Variants in NEB observed in about 807,000 individuals in gnomAD.
NEB encodes nemaline myopathy type 2.
A neutral mutation model predicts 952.2 loss-of-function variants in NEB; 512 were observed. The observed-to-expected ratio is 0.54, with a 90% CI of 0.50 to 0.58. The LOEUF is 0.58. NEB is among the 20% of genes least tolerant of loss of function. NEB has a pLI of 0.00. For missense variants in NEB, 8,428 were observed against 9,231.1 expected, an observed-to-expected ratio of 0.91 and a Z score of 3.56; for synonymous variants, 2,900 against 3,149.8, an observed-to-expected ratio of 0.92 and a Z score of 2.66.
Position 151,525,265 on chromosome 2 carries a change from G to A in NEB, c.22170C>T (p.Tyr7390=). ...EVTKHVSDTN[Y]KKKFVKEKGK... ...CTTTCTCCTTGACAAACTTCTTTTT[G>A]TAATTTGTCTAAATAGAGCCAGAAT... The change falls in exon 151 of 182, where the codon TAC becomes TAT. Residue 7390 remains tyrosine, a synonymous_variant. Transcript: ENST00000397345. The A allele has an allele frequency of 6.2e-7, 1 of 1,610,506 alleles. No individual in the cohort carries two copies. Among genetic ancestry groups the A allele is most frequent in the South Asian group, 1.1e-5 (1 of 91,010 alleles).
Position 151,502,814 on chromosome 2 carries a change from G to T in NEB, c.23907C>A (p.Arg7969=). The change falls in exon 167 of 182, where the codon CGC becomes CGA. Residue 7969 remains arginine, a synonymous_variant. Coordinates refer to ENST00000397345, the MANE Select transcript of NEB (RefSeq NM_001164508.2). ...ATACCGAGCTAAAGTTCTCTTGATT[G>T]CGTTTGACTCTCTCCATCTCTGGAG... The part of the protein sequence containing the change: ...PITPEMERVK[R]NQENFSSILY... 1 of 1,601,648 alleles carries T rather than the reference G, an allele frequency of 6.2e-7. No homozygotes were observed.
In NEB at chr2:151,669,107, T is replaced by C; in HGVS notation, c.4531A>G (p.Lys1511Glu). ...TCAATAGTATACTTGTGCTTCAGTT[T>C]CTCTCCCTCTACCTTGTAGTTCAAC... ...SDLNYKVEGE[K>E]LKHKYTIDPE... Residue 1511 changes from lysine to glutamate, a missense_variant, in exon 39 of 182, where the codon AAA becomes GAA. By Grantham distance (56) the Lys-to-Glu change is moderately conservative (BLOSUM62 1). This residue lies in a region of NEB where 2,851 missense variants were observed against 2,791.5 expected (regional missense o/e 1.02). Transcript: ENST00000397345. 1 of 1,585,566 alleles carries C rather than the reference T, an allele frequency of 6.3e-7. No individual in the cohort carries two copies. Among genetic ancestry groups the C allele is most frequent in the Non-Finnish European group, 8.6e-7 (1 of 1,164,060 alleles).
Position 151,525,994 on chromosome 2 carries a change from A to G in NEB, c.22125T>C (p.Thr7375=). The change falls in exon 150 of 182, where the codon ACT becomes ACC. Residue 7375 remains threonine (T), a synonymous_variant. Coordinates refer to ENST00000397345, the MANE Select transcript of NEB (RefSeq NM_001164508.2). ...GCTTGGTCACTTCCTTGACGTGAAC[A>G]GTGTCCCGGGTCTCTGGTAGTGTTG... ...SYTTLPETRD[T]VHVKEVTKHV... is the part of the protein sequence containing the mutation. 1 of 1,614,026 alleles carries G rather than the reference A, an allele frequency of 6.2e-7. No homozygotes were observed. The highest frequency in any genetic ancestry group is 8.5e-7 in the Non-Finnish European group (1 of 1,179,866).
chr2:151,719,486 G>T (rs1011273054), intron 9 of NEB, among the ~76,000 whole-genome samples: 15 of 152,114 alleles, frequency 9.9e-5, no homozygotes, highest in Non-Finnish European at 2.1e-4. Flanking sequence ...TCTACCTAGT[G>T]CCTATAACAA....
chr2:151,541,762 G>T (rs2094105206), intron 135 of NEB, among the ~76,000 whole-genome samples: 1 of 152,058 alleles, frequency 6.6e-6, no homozygotes, highest in South Asian at 2.1e-4. Flanking sequence ...TCTCTAGCCT[G>T]TCCAAAATTC....
At chr2:151,628,085 CA>C (rs1187626467) in intron 68 of NEB, among the ~76,000 whole-genome samples, 2 of 152,108 alleles carry the variant, frequency 1.3e-5, no homozygotes, top group Admixed American at 1.3e-4. Context: ...AGTGGGAAGA[CA>C]GGCCAAACTA....
intron 181 of NEB, among the ~76,000 whole-genome samples, chr2:151,488,047 T>C (rs1250511722): frequency 1.3e-5 from 2 of 152,188 alleles, no homozygotes; most frequent in Admixed American, 6.5e-5. Flanking sequence ...ATATTCCTGG[T>C]TACTAGTCAT....
chr2:151,647,269 C>T (rs982738171), intron 54 of NEB, among the ~76,000 whole-genome samples: 16 of 152,162 alleles, frequency 1.1e-4, no homozygotes, highest in Admixed American at 2.6e-4. Context: ...CACCACATGC[C>T]CAGCTAATTT....
At chr2:151,659,023 T>A (rs376218705) in intron 47 of NEB, 42 bp downstream of exon 47, 37 of 1,342,386 alleles carry the variant, frequency 2.8e-5, no homozygotes, top group Admixed American at 1.7e-4. Flanking sequence ...CTGGTTCAAA[T>A]CTGCTGGAGA....
At chr2:151,701,639 T>C (rs1456291253) in intron 13 of NEB, among the ~76,000 whole-genome samples, 1 of 151,760 alleles carries the variant, frequency 6.6e-6, no homozygotes, top group Non-Finnish European at 1.5e-5. Flanking sequence ...CTAGATTTTC[T>C]AGTTTATTTG....
At chr2:151,556,066 T>A (rs927304424) in intron 124 of NEB, among the ~76,000 whole-genome samples, 1 of 152,188 alleles carries the variant, frequency 6.6e-6, no homozygotes, top group African/African-American at 2.4e-5. Context: ...TCTATAGTAC[T>A]TTTCTTCCAA....
At chr2:151,504,789 A>G (rs781340457) in intron 165 of NEB, among the ~76,000 whole-genome samples, 1 of 152,162 alleles carries the variant, frequency 6.6e-6, no homozygotes, top group Non-Finnish European at 1.5e-5. Context: ...GTCAGGAGAA[A>G]TGTGCTAACC....
At position 151,688,279 on chromosome 2, in the gene NEB, C is replaced by T. The variant is rs775842716; in HGVS notation, c.2415+13G>A. 77 of 1,577,676 alleles carry T rather than the reference C, an allele frequency of 4.9e-5. No homozygotes were observed. The highest frequency in any genetic ancestry group is 6.4e-5 in the Non-Finnish European group (74 of 1,147,786). On this transcript the variant is annotated intron_variant, in intron 25 of 181. Coordinates refer to ENST00000397345, the MANE Select transcript of NEB (RefSeq NM_001164508.2). ...GTACACCAAACATAGGCTTCTGTGGCTTTGGTACTTACATCACTCAGATTA... is the reference window on the plus strand; with the variant it reads ...GTACACCAAACATAGGCTTCTGTGGTTTTGGTACTTACATCACTCAGATTA...
intron 105 of NEB, among the ~76,000 whole-genome samples, chr2:151,577,884 C>T (rs1161698851): frequency 3.9e-5 from 6 of 152,156 alleles, no homozygotes; most frequent in Admixed American, 6.6e-5. Flanking sequence ...CAGCCTATGT[C>T]ATGTTTTTTC....
At chr2:151,655,460 A>G in intron 50 of NEB, 86 bp from the exon 51 acceptor site, 1 of 665,148 alleles carries the variant, frequency 1.5e-6, no homozygotes, top group South Asian at 2.6e-5. Flanking sequence ...TAGTACTTGA[A>G]TGCACTCAAT....
intron 107 of NEB, among the ~76,000 whole-genome samples, chr2:151,574,786 C>T (rs1178637438): frequency 1.3e-5 from 2 of 149,850 alleles, no homozygotes; most frequent in African/African-American, 4.9e-5. Context: ...GGCTGGACTG[C>T]AGTGGCATGA....
intron 168 of NEB, among the ~76,000 whole-genome samples, chr2:151,500,690 A>C (rs2063804970): frequency 7.0e-6 from 1 of 142,632 alleles, no homozygotes; most frequent in Non-Finnish European, 1.5e-5. Context: ...TTGACTTCCT[A>C]GGGTTCAGAT....
Position 151,627,149 on chromosome 2 carries a change from C to T in NEB, c.10200G>A (p.Gly3400=), listed in dbSNP as rs1339785983. ...TCTTGCACTTGACCACATCCATAGACCCAATGGGGACCCAGCCAATGCCTC... is the reference window on the plus strand; with the variant it reads ...TCTTGCACTTGACCACATCCATAGATCCAATGGGGACCCAGCCAATGCCTC... ...WLRGIGWVPI[G]SMDVVKCKRA... is the part of the protein sequence containing the mutation. The change falls in exon 70 of 182, where the codon GGG becomes GGA. Residue 3400 remains glycine, a synonymous_variant. Transcript: ENST00000397345. 4 of 1,613,904 alleles carry T rather than the reference C, an allele frequency of 2.5e-6. No homozygotes were observed. Among genetic ancestry groups the T allele is most frequent in the Non-Finnish European group, 3.4e-6 (4 of 1,179,856 alleles).
intron 179 of NEB, among the ~76,000 whole-genome samples, chr2:151,491,041 T>G (rs2056148392): frequency 6.7e-6 from 1 of 148,766 alleles, no homozygotes; most frequent in Admixed American, 6.6e-5. Context: ...AATATCCTTT[T>G]TTTTTTTTTT....
Sources: gnomAD v4.1 joint callset for allele counts (sites outside exome capture counted in the v4.1 genomes callset) on GRCh38, gnomAD v4.1.1 for gene constraint, gnomAD v4.1.1 regional missense constraint, MANE v1.5 for transcripts, NCBI Gene and HGNC (gene_info 2026-07-23, HGNC 2026-07-21) for gene names.